ERBIN: variants seen among roughly 807,000 people sequenced by gnomAD.
ERBIN encodes the protein erbb2 interacting protein, also known as densin-180-like protein.
In ERBIN, 60 loss-of-function variants were observed where a neutral mutation model predicts 158.4. The ratio of observed to expected loss-of-function variants is 0.38; its 90% CI spans 0.31 to 0.47. ERBIN has a LOEUF of 0.47. ERBIN is among the 20% of genes least tolerant of loss of function. ERBIN has a pLI of 0.99. For missense variants in ERBIN, 1,610 were observed against 1,648.0 expected, an observed-to-expected ratio of 0.98 and a Z score of 0.40; for synonymous variants, 594 against 557.2, an observed-to-expected ratio of 1.07 and a Z score of -0.93.
chr5:66,028,446 A>AC, intron 14 of ERBIN, 103 bp downstream of exon 14: 25 of 638,416 alleles, frequency 3.9e-5, no homozygotes, highest in Non-Finnish European at 5.9e-5. Flanking sequence ...TACATGTGGT[A>AC]CACATGTAAA....
Position 66,078,453 on chromosome 5 carries a change from C to T in ERBIN, c.4162C>T (p.His1388Tyr). ...ANGYSFINIE[H>Y]GQAVSLLKTF... ...TGGCTACAGTTTTATAAATATTGAACATGGACAAGCAGTGTCCTTGCTAAA... is the reference window on the plus strand; with the variant it reads ...TGGCTACAGTTTTATAAATATTGAATATGGACAAGCAGTGTCCTTGCTAAA... Residue 1388 changes from histidine (H) to tyrosine (Y), a missense_variant, in exon 26 of 26, where the codon CAT becomes TAT. Coordinates refer to ENST00000284037, the MANE Select transcript of ERBIN (RefSeq NM_001253697.2). 1 of 1,585,736 alleles carries T rather than the reference C, an allele frequency of 6.3e-7. No homozygotes were observed. The highest frequency in any genetic ancestry group is 1.2e-5 in the South Asian group (1 of 85,576).
intron 23 of ERBIN, 75 bp downstream of exon 23, chr5:66,075,305 T>G: frequency 8.4e-7 from 1 of 1,185,496 alleles, no homozygotes; most frequent in South Asian, 1.3e-5. Context: ...TAATTATTAG[T>G]AAATCCATAC....
intron 1 of ERBIN, among the ~76,000 whole-genome samples, chr5:65,954,025 CCTACCCG>C (rs538499156): frequency 1.0e-3 from 152 of 152,282 alleles, no homozygotes; most frequent in Non-Finnish European, 1.6e-3. Context: ...TCTCTACTCT[CCTACCCG>C]CTACCCCTTT....
intron 4 of ERBIN, among the ~76,000 whole-genome samples, chr5:66,005,086 A>G (rs1424375730): frequency 6.8e-6 from 1 of 146,038 alleles, no homozygotes. Context: ...ATCTGTCTAT[A>G]TATATATATA....
At chr5:65,928,310 G>A (rs1467303094) in intron 1 of ERBIN, among the ~76,000 whole-genome samples, 1 of 151,360 alleles carries the variant, frequency 6.6e-6, no homozygotes, top group Non-Finnish European at 1.5e-5. Context: ...AGTCAAACTA[G>A]CTTTATCAAA....
At chr5:66,017,148 T>C (rs770828762) in intron 7 of ERBIN, among the ~76,000 whole-genome samples, 13 of 152,176 alleles carry the variant, frequency 8.5e-5, no homozygotes, top group Non-Finnish European at 1.6e-4. Flanking sequence ...AGTGCTGCCA[T>C]AGACATAGGA....
At chr5:66,017,930 T>C (rs914285179) in intron 7 of ERBIN, among the ~76,000 whole-genome samples, 1 of 152,152 alleles carries the variant, frequency 6.6e-6, no homozygotes, top group African/African-American at 2.4e-5. Context: ...GCATCAATTA[T>C]TGAAGAAACT....
At chr5:66,016,708 A>C (rs1018614917) in intron 7 of ERBIN, among the ~76,000 whole-genome samples, 4 of 151,290 alleles carry the variant, frequency 2.6e-5, no homozygotes, top group African/African-American at 9.7e-5. Context: ...CCGCCCCCCA[A>C]GTTAAGGCAA....
At chr5:65,964,732 C>G (rs1478859522) in intron 1 of ERBIN, among the ~76,000 whole-genome samples, 1 of 144,260 alleles carries the variant, frequency 6.9e-6, no homozygotes, top group African/African-American at 2.5e-5. Flanking sequence ...ATACAGCAGC[C>G]AGAGCAATCT....
intron 1 of ERBIN, among the ~76,000 whole-genome samples, chr5:65,983,594 A>G (rs1359098469): frequency 6.6e-6 from 1 of 152,240 alleles, no homozygotes; most frequent in Non-Finnish European, 1.5e-5. Flanking sequence ...AAACTAAATG[A>G]TCTTACACAA....
intron 1 of ERBIN, among the ~76,000 whole-genome samples, chr5:65,958,422 C>T (rs1001767894): frequency 1.3e-5 from 2 of 152,324 alleles, no homozygotes; most frequent in Admixed American, 6.5e-5. Flanking sequence ...AGCTGGAGAC[C>T]AGCCCGGCCA....
At chr5:65,952,648 C>T (rs754206215) in intron 1 of ERBIN, among the ~76,000 whole-genome samples, 1 of 152,010 alleles carries the variant, frequency 6.6e-6, no homozygotes, top group Non-Finnish European at 1.5e-5. Context: ...ACATAATGAG[C>T]ATATTATATG....
chr5:66,069,217 T>G (rs1761312973), intron 21 of ERBIN, among the ~76,000 whole-genome samples: 1 of 152,234 alleles, frequency 6.6e-6, no homozygotes, highest in South Asian at 2.1e-4. Context: ...TCTTTGGTCA[T>G]AAACTAATGA....
chr5:66,059,802 G>T (rs548193907), intron 21 of ERBIN, among the ~76,000 whole-genome samples: 22 of 152,232 alleles, frequency 1.4e-4, no homozygotes, highest in African/African-American at 5.3e-4. Context: ...TAATGATGTG[G>T]TTTTTGTCTT....
intron 1 of ERBIN, among the ~76,000 whole-genome samples, chr5:65,937,483 G>GT (rs1744223528): frequency 6.6e-6 from 1 of 151,878 alleles, no homozygotes; most frequent in Non-Finnish European, 1.5e-5. Context: ...TATTTGTTGT[G>GT]TTTTTTATGA....
intron 21 of ERBIN, among the ~76,000 whole-genome samples, chr5:66,067,860 C>T (rs1157852528): frequency 6.6e-6 from 1 of 152,066 alleles, no homozygotes; most frequent in Non-Finnish European, 1.5e-5. Flanking sequence ...CCTGTGGTCC[C>T]AGCTACTCAG....
chr5:65,931,819 C>CTTTTTTTTTT (rs36048820), intron 1 of ERBIN, among the ~76,000 whole-genome samples: 4 of 131,926 alleles, frequency 3.0e-5, no homozygotes, highest in Non-Finnish European at 6.4e-5. Context: ...TCTTTTCTTT[C>CTTTTTTTTTT]TTTTTTTTTT....
At chr5:65,985,349 C>T (rs1007421894) in intron 1 of ERBIN, among the ~76,000 whole-genome samples, 10 of 152,226 alleles carry the variant, frequency 6.6e-5, no homozygotes, top group African/African-American at 2.4e-4. Flanking sequence ...TTCAGCTTCC[C>T]AAAGTGCTGG....
intron 1 of ERBIN, among the ~76,000 whole-genome samples, chr5:65,934,419 C>T (rs1022786613): frequency 4.6e-5 from 7 of 151,964 alleles, no homozygotes; most frequent in African/African-American, 9.7e-5. Flanking sequence ...GGAATAATTT[C>T]TTTCTCTTTT....
Sources: gnomAD v4.1 joint callset for allele counts (sites outside exome capture counted in the v4.1 genomes callset) on GRCh38, gnomAD v4.1.1 for gene constraint, MANE v1.5 for transcripts, NCBI Gene and HGNC (gene_info 2026-07-23, HGNC 2026-07-21) for gene names.